TNFRSF1B: variants seen among roughly 807,000 people sequenced by gnomAD.
The protein encoded by TNFRSF1B is TNF receptor superfamily member 1B.
Under a neutral mutation model 44.6 loss-of-function variants are expected in TNFRSF1B, and 19 were observed. The observed-to-expected ratio is 0.43, with a 90% CI of 0.30 to 0.62. The LOEUF is 0.62. TNFRSF1B is among the 20% of genes least tolerant of loss of function. TNFRSF1B has a pLI of 0.16. For missense variants in TNFRSF1B, 541 were observed against 619.9 expected, an observed-to-expected ratio of 0.87 and a Z score of 1.35; for synonymous variants, 252 against 261.1, an observed-to-expected ratio of 0.97 and a Z score of 0.34.
At position 12,186,406 on chromosome 1, in the gene TNFRSF1B, G is replaced by C. The variant is rs1253672385; in HGVS notation, c.79-2390G>C. 3.3e-5 allele frequency among the ~76,000 whole-genome samples: 5 copies of C among 152,246 alleles called. No individual in the cohort carries two copies. The highest frequency in any genetic ancestry group is 4.4e-5 in the Non-Finnish European group (3 of 68,038). ...TTGGCCAGGTCTGCACTGGCCCAGC[G>C]GTGCTGGGTGTCGTGACTGGTGTCT... On this transcript the variant is annotated intron_variant, in intron 1 of 9. Coordinates refer to ENST00000376259, the MANE Select transcript of TNFRSF1B (RefSeq NM_001066.3). This position sits in a 1 kb window ranked among gnomAD's most constrained non-coding sequence, Gnocchi z 4.8.
chr1:12,173,494 G>C (rs1451832285), intron 1 of TNFRSF1B, among the ~76,000 whole-genome samples: 2 of 152,172 alleles, frequency 1.3e-5, no homozygotes, highest in African/African-American at 4.8e-5. Context: ...GCAGAACTGG[G>C]GTTTGTGGAT....
rs564031906 is a variant in TNFRSF1B, at chr1:12,194,553, A to G, written c.866-31A>G. ...AGGACAGATGTGCCTGAGGAAGTCA[A>G]TCTCTTACTTGTCCCCTCTCCTCTT... On this transcript the variant is annotated intron_variant, in intron 7 of 9. Transcript: ENST00000376259. 25 of 1,613,986 alleles carry G rather than the reference A, an allele frequency of 1.5e-5. No individual in the cohort carries two copies. In the East Asian group the frequency reaches 2.2e-4, roughly 14 times the overall value.
chr1:12,179,568 C>T (rs934912143), intron 1 of TNFRSF1B, among the ~76,000 whole-genome samples: 1 of 152,172 alleles, frequency 6.6e-6, no homozygotes, highest in East Asian at 1.9e-4. Context: ...TGCCCTAAGA[C>T]CCTGGAGACC....
At position 12,183,801 on chromosome 1, in the gene TNFRSF1B, TCTAGCTATCTATCTATTCTATCTAC is replaced by T. The variant is rs1557629440; in HGVS notation, c.79-4991_79-4967del. Among the ~76,000 whole-genome samples, 91 of 138,888 alleles carry T rather than the reference TCTAGCTATCTATCTATTCTATCTAC, an allele frequency of 6.6e-4. 1 individual carries two copies. The highest frequency in any genetic ancestry group is 1.3e-3 in the African/African-American group (51 of 39,026). 91.1% of individuals were successfully genotyped at this position (138,888 alleles called of 152,430 possible). A position where few individuals can be genotyped will look rare whatever the true frequency, so the allele number is the denominator to read the frequency against. On this transcript the variant is annotated intron_variant, in intron 1 of 9. Coordinates refer to ENST00000376259, the MANE Select transcript of TNFRSF1B (RefSeq NM_001066.3). ...TTCTATCTACCTACCTATCTATCTA[TCTAGCTATCTATCTATTCTATCTAC>T]CTATCTATCTATCTATCTATCTATC...
intron 9 of TNFRSF1B, among the ~76,000 whole-genome samples, chr1:12,206,222 T>C (rs1189550422): frequency 6.6e-6 from 1 of 152,042 alleles, no homozygotes; most frequent in Non-Finnish European, 1.5e-5. Context: ...ACCCTGTCTC[T>C]ACAAAAAATT....
Position 12,183,710 on chromosome 1 carries a change from A to ACC in TNFRSF1B, c.79-5086_79-5085insCC, listed in dbSNP as rs1557629002. ...TATCTATCTATCTATCTATCTATCT[A>ACC]TTCTATCTACCTATCTATCTATCTA... On this transcript the variant is annotated intron_variant, in intron 1 of 9. Transcript: ENST00000376259. Among the ~76,000 whole-genome samples, 127 of 96,352 alleles carry ACC rather than the reference A, an allele frequency of 1.3e-3. 4 individuals carry two copies. The highest frequency in any genetic ancestry group is 7.0e-3 in the East Asian group (20 of 2,858). The allele number at this position is 96,352 out of a possible 152,430, so 63.2% of individuals were successfully genotyped here. A position where few individuals can be genotyped will look rare whatever the true frequency, so the allele number is the denominator to read the frequency against.
At chr1:12,198,838 C>T (rs1385506600) in intron 8 of TNFRSF1B, among the ~76,000 whole-genome samples, 1 of 151,988 alleles carries the variant, frequency 6.6e-6, no homozygotes, top group African/African-American at 2.4e-5. Context: ...CTACAGGCAC[C>T]CACCAGCTCG....
Position 12,202,093 on chromosome 1 carries a change from C to T in TNFRSF1B, c.1027C>T (p.Pro343Ser), listed in dbSNP as rs759020786. 20 of 1,582,612 alleles carry T rather than the reference C, an allele frequency of 1.3e-5. No individual in the cohort carries two copies. Among genetic ancestry groups the T allele is most frequent in the Middle Eastern group, 1.7e-4 (1 of 6,002 alleles). ...SSASALDRRA[P>S]TRNQPQAPGV... ...GGCCAGTGCGTTGGACAGAAGGGCG[C>T]CCACTCGGAACCAGCCACAGGCACC... is the stretch of plus-strand genomic sequence containing the variant. Residue 343 changes from proline (P) to serine (S), a missense_variant, in exon 9 of 10, where the codon CCC (proline) becomes TCC (serine). By Grantham distance (74) the Pro-to-Ser change is moderately conservative. Transcript: ENST00000376259.
Position 12,187,734 on chromosome 1 carries a change from C to T in TNFRSF1B, c.79-1062C>T, listed in dbSNP as rs959975472. On this transcript the variant is annotated intron_variant, in intron 1 of 9. Coordinates refer to ENST00000376259, the MANE Select transcript of TNFRSF1B (RefSeq NM_001066.3). The surrounding 1 kb of genome is among the most constrained non-coding windows in gnomAD (Gnocchi z 5.5). ...CAGGTAGGGTCTTCCAGAAGCAGAG[C>T]CTGAGGCAGGGATCTTTGTGAAAGT... Among the ~76,000 whole-genome samples the T allele has an allele frequency of 3.3e-5, 5 of 152,200 alleles. No homozygotes were observed. The highest frequency in any genetic ancestry group is 1.2e-4 in the African/African-American group (5 of 41,458).
At position 12,174,017 on chromosome 1, in the gene TNFRSF1B, G is replaced by A. The variant is rs976880; in HGVS notation, c.78+6848G>A. Among the ~76,000 whole-genome samples, 309 of 152,228 alleles carry A rather than the reference G, an allele frequency of 2.0e-3. 2 individuals are homozygous for A. Among genetic ancestry groups the A allele is most frequent in the African/African-American group, 6.5e-3 (270 of 41,540 alleles). On this transcript the variant is annotated intron_variant, in intron 1 of 9. Coordinates refer to ENST00000376259, the MANE Select transcript of TNFRSF1B (RefSeq NM_001066.3). Reference sequence around the variant, plus strand: ...CCCAAGTGTGCAGGGGGGAGTGCGGGGGGAGGGCTGTTGGCGGCGCATCCC... The same window carrying A: ...CCCAAGTGTGCAGGGGGGAGTGCGGAGGGAGGGCTGTTGGCGGCGCATCCC...
At chr1:12,192,722 G>C in intron 5 of TNFRSF1B, 141 bp from the exon 6 acceptor site, 1 of 855,574 alleles carries the variant, frequency 1.2e-6, no homozygotes. Context: ...GGGAGGTGGG[G>C]GAGGGCTAGG....
chr1:12,187,684 T>G lies in TNFRSF1B; in HGVS notation c.79-1112T>G, dbSNP rs140679053. 6.6e-6 allele frequency among the ~76,000 whole-genome samples: 1 copy of G among 152,286 alleles called. No homozygotes were observed. Among genetic ancestry groups the G allele is most frequent in the East Asian group, 1.9e-4 (1 of 5,180 alleles). On this transcript the variant is annotated intron_variant, in intron 1 of 9. Coordinates refer to ENST00000376259, the MANE Select transcript of TNFRSF1B (RefSeq NM_001066.3). The surrounding 1 kb of genome is among the most constrained non-coding windows in gnomAD (Gnocchi z 5.5). Reference sequence around the variant, plus strand: ...CCATCTTCATTGGGTGGTTGGGAAGTCTTGCTGAGACCACACACCTGTCTC... The same window carrying G: ...CCATCTTCATTGGGTGGTTGGGAAGGCTTGCTGAGACCACACACCTGTCTC...
intron 9 of TNFRSF1B, among the ~76,000 whole-genome samples, chr1:12,202,531 A>G (rs1639417951): frequency 6.6e-6 from 1 of 152,124 alleles, no homozygotes; most frequent in South Asian, 2.1e-4. Context: ...ATGTACAGAC[A>G]TTGTCTTCTC....
At chr1:12,198,342 T>C (rs2101118657) in intron 8 of TNFRSF1B, among the ~76,000 whole-genome samples, 1 of 152,270 alleles carries the variant, frequency 6.6e-6, no homozygotes, top group Non-Finnish European at 1.5e-5. Context: ...CCAAGAATCA[T>C]GGGCCCAGAG....
At position 12,202,161 on chromosome 1, in the gene TNFRSF1B, C is replaced by G. The variant is rs1209894111; in HGVS notation, c.1095C>G (p.Thr365=). Reference sequence around the variant, plus strand: ...GGGCCGGGGAGGCCCGGGCCAGCACCGGGAGCTCAGGTAAGAGGTGGGAGC... The same window carrying G: ...GGGCCGGGGAGGCCCGGGCCAGCACGGGGAGCTCAGGTAAGAGGTGGGAGC... ...ASGAGEARAS[T]GSSDSSPGGH... is the part of the protein sequence containing the mutation. The change falls in exon 9 of 10, where the codon ACC becomes ACG. Residue 365 remains threonine, a synonymous_variant. Coordinates refer to ENST00000376259, the MANE Select transcript of TNFRSF1B (RefSeq NM_001066.3). 6.5e-7 allele frequency: 1 copy of G among 1,548,132 alleles called. No individual in the cohort carries two copies. Among genetic ancestry groups the G allele is most frequent in the Admixed American group, 2.0e-5 (1 of 51,072 alleles).
chr1:12,200,010 C>T (rs926548250), intron 8 of TNFRSF1B, among the ~76,000 whole-genome samples: 2 of 152,110 alleles, frequency 1.3e-5, no homozygotes, highest in South Asian at 2.1e-4. Flanking sequence ...CTTCAGTGTG[C>T]GTGTCTGGAA....
rs771095653 is a variant in TNFRSF1B at position 12,171,414 on chromosome 1, C to G, written c.78+4245C>G. The stretch of plus-strand genomic sequence containing the variant: ...TGCTTTCCCCATCACCTCCAATACT[C>G]CTCCTGCTGACGTCTCTTGGTCTCC... On this transcript the variant is annotated intron_variant, in intron 1 of 9. Transcript: ENST00000376259. The surrounding 1 kb of genome is among the most constrained non-coding windows in gnomAD (Gnocchi z 4.5). Among the ~76,000 whole-genome samples the G allele has an allele frequency of 1.3e-5, 2 of 152,206 alleles. No individual in the cohort carries two copies. The highest frequency in any genetic ancestry group is 6.5e-5 in the Admixed American group (1 of 15,278).
rs1638473465 is a variant in TNFRSF1B at position 12,169,469 on chromosome 1, G to T, written c.78+2300G>T. Among the ~76,000 whole-genome samples, 1 of 152,152 alleles carries T rather than the reference G, an allele frequency of 6.6e-6. No homozygotes were observed. The highest frequency in any genetic ancestry group is 1.5e-5 in the Non-Finnish European group (1 of 68,030). ...CAGGATCACAGAGCTGGGGGCCGGG[G>T]AGCTGGGGGTGGGATTTGAATGCAG... is the stretch of plus-strand genomic sequence containing the variant. On this transcript the variant is annotated intron_variant, in intron 1 of 9. Coordinates refer to ENST00000376259, the MANE Select transcript of TNFRSF1B (RefSeq NM_001066.3). The surrounding 1 kb of genome is among the most constrained non-coding windows in gnomAD (Gnocchi z 4.5).
chr1:12,175,317 G>A (rs1046414286), intron 1 of TNFRSF1B, among the ~76,000 whole-genome samples: 3 of 152,196 alleles, frequency 2.0e-5, no homozygotes, highest in Non-Finnish European at 4.4e-5. Context: ...TGTCACTTGA[G>A]ATTAGCAAGG....
Sources: gnomAD v4.1 joint callset for allele counts (sites outside exome capture counted in the v4.1 genomes callset) on GRCh38, gnomAD v4.1.1 for gene constraint, Gnocchi (gnomAD v3.1) non-coding constraint, MANE v1.5 for transcripts, NCBI Gene and HGNC (gene_info 2026-07-23, HGNC 2026-07-21) for gene names.